Variants in CD200 observed in about 807,000 individuals in gnomAD.
CD200 encodes CD200 molecule, also known as OX-2 membrane glycoprotein.
CD200 carries 15 observed loss-of-function variants against 30.9 expected under a neutral mutation model. The ratio of observed to expected loss-of-function variants is 0.49; its 90% CI spans 0.32 to 0.75. The LOEUF (loss-of-function observed/expected upper bound fraction) is 0.75, where lower values mean the gene tolerates loss of function less well. CD200 is among the 30% of genes least tolerant of loss of function. The pLI, the probability that CD200 is intolerant of heterozygous loss-of-function variation, is 0.03. For missense variants in CD200, 262 were observed against 324.2 expected, an observed-to-expected ratio of 0.81 and a Z score of 1.47; for synonymous variants, 134 against 126.2, an observed-to-expected ratio of 1.06 and a Z score of -0.41.
chr3:112,336,515 A>G (rs1324663565), intron 1 of CD200, among the ~76,000 whole-genome samples: 1 of 151,996 alleles, frequency 6.6e-6, no homozygotes, highest in African/African-American at 2.4e-5. Context: ...GGCTTAGTTA[A>G]GGCAAACACC....
rs2081745323 is a variant in CD200 at position 112,361,692 on chromosome 3, C to T, written c.*142C>T. ...AGCGAAAGCCTTAAGGATCCCACGA[C>T]TTTTTACTGCCATCTGAGCTACTCA... On this transcript the variant is annotated 3_prime_UTR_variant, in exon 6 of 6. Coordinates refer to ENST00000315711, the MANE Select transcript of CD200 (RefSeq NM_005944.7). 4 of 770,922 alleles carry T rather than the reference C, an allele frequency of 5.2e-6. No homozygotes were observed. The highest frequency in any genetic ancestry group is 9.3e-6 in the Non-Finnish European group (4 of 430,364). The allele number at this position is 770,922 out of a possible 1,614,324, so 47.8% of individuals were successfully genotyped here.
chr3:112,351,531 GC>G (rs2081531350), intron 5 of CD200, among the ~76,000 whole-genome samples: 1 of 152,126 alleles, frequency 6.6e-6, no homozygotes, highest in Non-Finnish European at 1.5e-5. Context: ...GATTCTTGAA[GC>G]AAAAAGAATC....
rs2081428132 is a variant in CD200 at position 112,347,582 on chromosome 3, A to G, written c.446A>G (p.Tyr149Cys). 1 of 1,613,858 alleles carries G rather than the reference A, an allele frequency of 6.2e-7. No homozygotes were observed. The highest frequency in any genetic ancestry group is 8.5e-7 in the Non-Finnish European group (1 of 1,179,898). The change falls in exon 4 of 6, where the codon TAC (tyrosine) becomes TGC (cysteine). Residue 149 changes from tyrosine (Y) to cysteine (C), a missense_variant. Tyr to Cys is a radical substitution (Grantham distance 194). Coordinates refer to ENST00000315711, the MANE Select transcript of CD200 (RefSeq NM_005944.7). ...GTACAGCCCATAGTATCCCTTCACT[A>G]CAAATTCTCTGAAGACCACCTAAAT... is the stretch of plus-strand genomic sequence containing the variant. Reference protein sequence around the residue: ...VYVQPIVSLHYKFSEDHLNIT... With the variant: ...VYVQPIVSLHCKFSEDHLNIT...
intron 5 of CD200, among the ~76,000 whole-genome samples, chr3:112,358,626 T>C (rs1435828630): frequency 6.6e-6 from 1 of 152,170 alleles, no homozygotes; most frequent in African/African-American, 2.4e-5. Flanking sequence ...TGTGTATAAA[T>C]GGATTTCCAG....
chr3:112,355,572 G>A (rs1184337996), intron 5 of CD200, among the ~76,000 whole-genome samples: 3 of 152,160 alleles, frequency 2.0e-5, no homozygotes, highest in African/African-American at 7.2e-5. Context: ...TGTGGTGATA[G>A]TAGGCATAAC....
chr3:112,347,286 C>T (rs2081419462), intron 3 of CD200, among the ~76,000 whole-genome samples: 1 of 152,186 alleles, frequency 6.6e-6, no homozygotes. Context: ...CTTCTCAATA[C>T]TCTATGTCCA....
intron 5 of CD200, among the ~76,000 whole-genome samples, chr3:112,358,666 C>A (rs868375045): frequency 2.0e-5 from 3 of 152,102 alleles, no homozygotes; most frequent in African/African-American, 7.2e-5. Flanking sequence ...TCAGGAAGAG[C>A]GGCTACCTGA....
intron 2 of CD200, among the ~76,000 whole-genome samples, chr3:112,343,668 G>T (rs753068423): frequency 1.8e-4 from 28 of 151,872 alleles, no homozygotes; most frequent in Non-Finnish European, 3.1e-4. Flanking sequence ...TAAATTGAAG[G>T]TTCTCGGTAT....
chr3:112,348,443 T>C (rs1167244547), intron 4 of CD200, among the ~76,000 whole-genome samples: 1 of 152,196 alleles, frequency 6.6e-6, no homozygotes, highest in African/African-American at 2.4e-5. Context: ...CCTTTTTGCT[T>C]TCTTGTGTTT....
At chr3:112,343,239 T>C (rs1250827671) in intron 2 of CD200, among the ~76,000 whole-genome samples, 1 of 151,848 alleles carries the variant, frequency 6.6e-6, no homozygotes, top group Non-Finnish European at 1.5e-5. Context: ...GTGTATATAA[T>C]ATAAACATAT....
At chr3:112,352,131 T>C (rs916035314) in intron 5 of CD200, among the ~76,000 whole-genome samples, 7 of 152,322 alleles carry the variant, frequency 4.6e-5, no homozygotes, top group African/African-American at 1.7e-4. Flanking sequence ...TAATTTGGCA[T>C]CATACACTTA....
At chr3:112,349,976 G>T (rs76231123) in intron 5 of CD200, 157 bp downstream of exon 5, 134 of 984,870 alleles carry the variant, frequency 1.4e-4, no homozygotes, top group East Asian at 2.3e-4. Context: ...TTTAAAATGC[G>T]TCGGGGCATT....
At chr3:112,337,233 A>C (rs2081138307) in intron 1 of CD200, among the ~76,000 whole-genome samples, 1 of 152,136 alleles carries the variant, frequency 6.6e-6, no homozygotes, top group African/African-American at 2.4e-5. Context: ...GCACTGGAGG[A>C]AGAGGCTTGA....
At chr3:112,334,382 C>A in intron 1 of CD200, 1 of 279,102 alleles carries the variant, frequency 3.6e-6, no homozygotes, top group Non-Finnish European at 5.4e-6. Flanking sequence ...GACTGTAGTT[C>A]CCCCTATATG....
chr3:112,345,124 T>A lies in CD200; in HGVS notation c.257T>A (p.Ile86Asn). The A allele has an allele frequency of 6.2e-7, 1 of 1,614,024 alleles. No homozygotes were observed. The highest frequency in any genetic ancestry group is 8.5e-7 in the Non-Finnish European group (1 of 1,179,980). Residue 86 changes from isoleucine to asparagine, a missense_variant, in exon 3 of 6, where the codon ATC (isoleucine) becomes AAC (asparagine). Coordinates refer to ENST00000315711, the MANE Select transcript of CD200 (RefSeq NM_005944.7). ...VTFSENHGVV[I>N]QPAYKDKINI... ...TTCAGCGAGAACCATGGGGTGGTGA[T>A]CCAGCCTGCCTATAAGGACAAGATA... is the stretch of plus-strand genomic sequence containing the variant.
chr3:112,353,985 A>C (rs890520996), intron 5 of CD200, among the ~76,000 whole-genome samples: 3 of 152,168 alleles, frequency 2.0e-5, no homozygotes, highest in Admixed American at 2.0e-4. Flanking sequence ...CTTGAATTCC[A>C]GGGCTATTTT....
chr3:112,341,747 GAA>G (rs796274600), intron 2 of CD200, among the ~76,000 whole-genome samples: 1 of 147,628 alleles, frequency 6.8e-6, no homozygotes, highest in African/African-American at 2.5e-5. Flanking sequence ...TAGTCAAAAA[GAA>G]AAAAAAAACT....
At chr3:112,352,607 A>G (rs2108464340) in intron 5 of CD200, among the ~76,000 whole-genome samples, 1 of 152,250 alleles carries the variant, frequency 6.6e-6, no homozygotes, top group East Asian at 1.9e-4. Flanking sequence ...ACAGACGAAT[A>G]AGTTTTTGAA....
chr3:112,334,439 AC>A (rs1232121926), intron 1 of CD200, among the ~76,000 whole-genome samples: 1 of 152,234 alleles, frequency 6.6e-6, no homozygotes, highest in Non-Finnish European at 1.5e-5. Flanking sequence ...ATTGGCATTT[AC>A]TATAACCTAG....
Sources: allele counts gnomAD v4.1 joint callset (sites outside exome capture counted in the v4.1 genomes callset), GRCh38; gene constraint gnomAD v4.1.1; transcripts MANE v1.5; gene names NCBI Gene and HGNC (gene_info 2026-07-23, HGNC 2026-07-21).